The following MAD1L1 variants were observed in gnomAD, a reference collection of about 807,000 sequenced individuals.
MAD1L1 encodes the protein mitotic arrest deficient 1 like 1, also known as mitotic spindle assembly checkpoint protein MAD1.
A neutral mutation model predicts 96.9 loss-of-function variants in MAD1L1; 95 were observed. The ratio of observed to expected loss-of-function variants is 0.98; its 90% CI spans 0.83 to 1.16. MAD1L1 has a LOEUF of 1.16. MAD1L1 is among the 50% of genes most tolerant of loss of function. The pLI is 0.00. For missense variants in MAD1L1, 1,007 were observed against 954.4 expected (o/e 1.06, Z -0.73); for synonymous variants, 473 against 396.6 (o/e 1.19, Z -2.29).
intron 12 of MAD1L1, among the ~76,000 whole-genome samples, chr7:2,026,222 A>T (rs1782989179): frequency 6.6e-6 from 1 of 152,210 alleles, no homozygotes; most frequent in African/African-American, 2.4e-5. Context: ...ATCCGCAGAG[A>T]TAAAGAATGT....
intron 18 of MAD1L1, chr7:1,850,065 C>G (rs1391869476): frequency 6.6e-6 from 1 of 152,208 alleles, no homozygotes; most frequent in Non-Finnish European, 1.5e-5. Flanking sequence ...GGGGAAAAAT[C>G]TAATTTCCGG....
In MAD1L1 at chr7:1,854,511, C is replaced by T. The variant is rs921092850; in HGVS notation, c.1999-38283G>A. Reference sequence around the variant, plus strand: ...GTGATGGAGCTTTCTCACTGTCTGTCACACGGGGGAAGGGGCGGGGGGACT... The same window carrying T: ...GTGATGGAGCTTTCTCACTGTCTGTTACACGGGGGAAGGGGCGGGGGGACT... On this transcript the variant is annotated intron_variant, in intron 18 of 18. Transcript: ENST00000265854. 5 of 387,184 alleles carry T rather than the reference C, an allele frequency of 1.3e-5. No homozygotes were observed. In the East Asian group the frequency reaches 4.0e-4, roughly 31 times the overall value. 24.0% of individuals were successfully genotyped at this position (387,184 alleles called of 1,614,324 possible). A position where few individuals can be genotyped will look rare whatever the true frequency, so the allele number is the denominator to read the frequency against.
At chr7:2,124,114 C>G (rs1406464927) in intron 11 of MAD1L1, among the ~76,000 whole-genome samples, 1 of 152,178 alleles carries the variant, frequency 6.6e-6, no homozygotes, top group Non-Finnish European at 1.5e-5. Context: ...CAGATGCAGC[C>G]GGGAGCCCCC....
chr7:2,098,582 C>G (rs182847268), intron 11 of MAD1L1, among the ~76,000 whole-genome samples: 2 of 152,186 alleles, frequency 1.3e-5, no homozygotes, highest in African/African-American at 2.4e-5. Flanking sequence ...ACGCTAAGGA[C>G]GGCCCCCTCA....
At chr7:2,084,117 A>C (rs1239253124) in intron 11 of MAD1L1, among the ~76,000 whole-genome samples, 1 of 152,270 alleles carries the variant, frequency 6.6e-6, no homozygotes, top group Non-Finnish European at 1.5e-5. Flanking sequence ...ATTCCAAGGC[A>C]GCACTGCTGG....
At chr7:2,028,242 G>A (rs942061317) in intron 12 of MAD1L1, among the ~76,000 whole-genome samples, 4 of 151,826 alleles carry the variant, frequency 2.6e-5, no homozygotes, top group Non-Finnish European at 4.4e-5. Context: ...TGGCTAACAC[G>A]GCGAAACCCC....
chr7:1,876,432 A>C (rs1372805624), intron 18 of MAD1L1, among the ~76,000 whole-genome samples: 3 of 151,686 alleles, frequency 2.0e-5, no homozygotes. Context: ...ACCAGGTCCT[A>C]CCACAATAAA....
chr7:2,207,036 C>A lies in MAD1L1; in HGVS notation c.986+6176G>T, dbSNP rs185458413. Among the ~76,000 whole-genome samples, 468 of 150,958 alleles carry A rather than the reference C, an allele frequency of 3.1e-3. 4 individuals carry two copies. Among genetic ancestry groups the A allele is most frequent in the African/African-American group, 0.011 (451 of 41,028 alleles). On this transcript the variant is annotated intron_variant, in intron 10 of 18. Coordinates refer to ENST00000265854, the MANE Select transcript of MAD1L1 (RefSeq NM_001013836.2). ...AAGGTTGCAGTAAGCCAAGATCGCA[C>A]CATTGCACTCCAGCCTGGGCGACAG...
In MAD1L1 at chr7:2,105,143, C is replaced by G. The variant is rs1320352325; in HGVS notation, c.1074-35805G>C. Among the ~76,000 whole-genome samples the G allele has an allele frequency of 2.0e-5, 3 of 152,244 alleles. No homozygotes were observed. In the East Asian group the frequency reaches 5.8e-4, roughly 30 times the overall value. On this transcript the variant is annotated intron_variant, in intron 11 of 18. Coordinates refer to ENST00000265854, the MANE Select transcript of MAD1L1 (RefSeq NM_001013836.2). Reference sequence around the variant, plus strand: ...GTGCCTCTGCAGCCCGGGAGAGCCTCACTCTCTGAGGCCACAAACACCGCA... The same window carrying G: ...GTGCCTCTGCAGCCCGGGAGAGCCTGACTCTCTGAGGCCACAAACACCGCA...
Position 2,149,169 on chromosome 7 carries a change from G to T in MAD1L1, c.1056C>A (p.Asn352Lys). 1 of 1,614,102 alleles carries T rather than the reference G, an allele frequency of 6.2e-7. No homozygotes were observed. Among genetic ancestry groups the T allele is most frequent in the Non-Finnish European group, 8.5e-7 (1 of 1,180,030 alleles). ...QQRELALKDK[N>K]SAVTSSARGL... is the part of the protein sequence containing the mutation. The stretch of plus-strand genomic sequence containing the variant: ...AGGTCTACCTGCTGGTGACGGCGCT[G>T]TTCTTGTCCTTCAAGGCAAGCTCCC... The change falls in exon 11 of 19, where the codon AAC becomes AAA. Residue 352 changes from asparagine (N) to lysine (K), a missense_variant. Asn to Lys is a moderately conservative substitution (Grantham distance 94). Coordinates refer to ENST00000265854, the MANE Select transcript of MAD1L1 (RefSeq NM_001013836.2).
At chr7:2,090,500 G>A (rs976735451) in intron 11 of MAD1L1, among the ~76,000 whole-genome samples, 3 of 152,210 alleles carry the variant, frequency 2.0e-5, no homozygotes, top group South Asian at 2.1e-4. Flanking sequence ...TGTCACGAAC[G>A]GACCTGGGAC....
intron 11 of MAD1L1, among the ~76,000 whole-genome samples, chr7:2,096,060 C>G (rs1354004532): frequency 1.3e-5 from 2 of 152,226 alleles, no homozygotes; most frequent in Non-Finnish European, 2.9e-5. Flanking sequence ...AATGACAGCT[C>G]GCAGCCCACA....
At chr7:2,082,814 G>A (rs73032315) in intron 11 of MAD1L1, among the ~76,000 whole-genome samples, 4,127 of 152,296 alleles carry the variant, frequency 0.027, 96 homozygotes, top group South Asian at 0.088. Context: ...CCCAGCCTCC[G>A]CCCACGCCTG....
intron 12 of MAD1L1, among the ~76,000 whole-genome samples, chr7:2,048,677 G>A (rs1320036495): frequency 1.3e-5 from 2 of 152,192 alleles, no homozygotes; most frequent in African/African-American, 4.8e-5. Context: ...GCCCCTCTGT[G>A]AAGAACCTCC....
At chr7:1,994,633 A>C (rs1186438020) in intron 14 of MAD1L1, among the ~76,000 whole-genome samples, 1 of 152,030 alleles carries the variant, frequency 6.6e-6, no homozygotes, top group East Asian at 1.9e-4. Context: ...CGGGGAGGTG[A>C]GGAGGCCACC....
chr7:2,217,946 A>C lies in MAD1L1; in HGVS notation c.678+16T>G, dbSNP rs1317628279. The C allele has an allele frequency of 6.2e-7, 1 of 1,606,830 alleles. No homozygotes were observed. The highest frequency in any genetic ancestry group is 8.5e-7 in the Non-Finnish European group (1 of 1,173,356). Reference sequence around the variant, plus strand: ...CCACAGGGATGTCCACAAGGCACTGACAGGGAGTGACTCACCTTAATCTGC... The same window carrying C: ...CCACAGGGATGTCCACAAGGCACTGCCAGGGAGTGACTCACCTTAATCTGC... On this transcript the variant is annotated intron_variant, in intron 7 of 18. Transcript: ENST00000265854.
chr7:1,925,155 C>T (rs559042952), intron 17 of MAD1L1, among the ~76,000 whole-genome samples: 1 of 152,166 alleles, frequency 6.6e-6, no homozygotes, highest in East Asian at 1.9e-4. Context: ...ATCGGCAGAA[C>T]ACACATACCT....
At chr7:1,937,161 G>A (rs1442823863) in intron 16 of MAD1L1, among the ~76,000 whole-genome samples, 1 of 152,238 alleles carries the variant, frequency 6.6e-6, no homozygotes, top group Non-Finnish European at 1.5e-5. Context: ...GGAACAGGGT[G>A]AGAGGGGACA....
intron 12 of MAD1L1, among the ~76,000 whole-genome samples, chr7:2,038,526 T>TTTTTTTTTTG (rs1783542229): frequency 8.9e-6 from 1 of 112,762 alleles, no homozygotes; most frequent in Non-Finnish European, 1.8e-5. Context: ...TTTTTTTTTT[T>TTTTTTTTTTG]GAGACACAGT....
Sources: gnomAD v4.1 joint callset for allele counts (sites outside exome capture counted in the v4.1 genomes callset) on GRCh38, gnomAD v4.1.1 for gene constraint, MANE v1.5 for transcripts, NCBI Gene and HGNC (gene_info 2026-07-23, HGNC 2026-07-21) for gene names.